PTPRN2: variants seen among roughly 807,000 people sequenced by gnomAD.
The protein encoded by PTPRN2 is receptor-type tyrosine-protein phosphatase N2.
A neutral mutation model predicts 118.8 loss-of-function variants in PTPRN2; 74 were observed. That is an observed-to-expected ratio of 0.62 (90% CI 0.52 to 0.76). The LOEUF (loss-of-function observed/expected upper bound fraction) is 0.76. Ranked by LOEUF, PTPRN2 falls within the 30% of genes least tolerant of loss-of-function variation. The pLI is 0.00. For missense variants in PTPRN2, 1,481 were observed against 1,394.4 expected (o/e 1.06, Z -0.99); for synonymous variants, 641 against 608.0 (o/e 1.05, Z -0.80).
At chr7:158,557,720 G>A (rs1827137693) in intron 1 of PTPRN2, among the ~76,000 whole-genome samples, 1 of 152,210 alleles carries the variant, frequency 6.6e-6, no homozygotes, top group African/African-American at 2.4e-5. Context: ...AACCTGGGAT[G>A]TTTGTGCTCA....
At chr7:157,994,499 T>G (rs546664525) in intron 11 of PTPRN2, among the ~76,000 whole-genome samples, 1 of 138,858 alleles carries the variant, frequency 7.2e-6, no homozygotes, top group African/African-American at 2.9e-5. Flanking sequence ...CACAGCTCCT[T>G]GTTCCTAAAA....
intron 11 of PTPRN2, among the ~76,000 whole-genome samples, chr7:157,921,348 G>A (rs140058989): frequency 1.7e-3 from 262 of 152,326 alleles, no homozygotes; most frequent in African/African-American, 5.9e-3. Flanking sequence ...TACCAGCAGA[G>A]CACAGAGGCT....
chr7:157,674,371 T>A lies in PTPRN2; in HGVS notation c.2001+8354A>T, dbSNP rs1796560407. Among the ~76,000 whole-genome samples, 3 of 152,112 alleles carry A rather than the reference T, an allele frequency of 2.0e-5. No homozygotes were observed. The highest frequency in any genetic ancestry group is 1.3e-4 in the Admixed American group (2 of 15,284). ...TTCCTTATCCACGTCCTCGAAGTGA[T>A]CCCCGTTTGACATTTGGAAATGACT... On this transcript the variant is annotated intron_variant, in intron 13 of 22. Transcript: ENST00000389418. This position sits in a 1 kb window ranked among gnomAD's most constrained non-coding sequence, Gnocchi z 4.5.
intron 15 of PTPRN2, among the ~76,000 whole-genome samples, chr7:157,606,533 G>A (rs1255421660): frequency 1.3e-5 from 2 of 152,244 alleles, no homozygotes; most frequent in Admixed American, 1.3e-4. Flanking sequence ...TCTTGGTGCT[G>A]CACACAACAC....
intron 11 of PTPRN2, among the ~76,000 whole-genome samples, chr7:157,962,726 G>A (rs1414710336): frequency 2.0e-5 from 3 of 152,158 alleles, no homozygotes; most frequent in African/African-American, 7.2e-5. Context: ...CGTGACACCT[G>A]TTCCTATTAC....
chr7:158,268,181 C>T (rs1431472039), intron 3 of PTPRN2, among the ~76,000 whole-genome samples: 2 of 152,248 alleles, frequency 1.3e-5, no homozygotes, highest in South Asian at 2.1e-4. Flanking sequence ...TGACACAATG[C>T]CGCCTGCAAA....
At chr7:158,059,356 C>A (rs1214900977) in intron 11 of PTPRN2, among the ~76,000 whole-genome samples, 1 of 130,218 alleles carries the variant, frequency 7.7e-6, no homozygotes, top group Non-Finnish European at 1.5e-5. Context: ...TCCATCTGCA[C>A]ACGGTGACGC....
Position 157,858,163 on chromosome 7 carries a change from T to C in PTPRN2, c.1788+40510A>G, listed in dbSNP as rs375264940. ...GGGAGAGCCCCGTCACCACCCACACTCCTGCAGGGAGAGCCTCCCAGCCAC... is the reference window on the plus strand; with the variant it reads ...GGGAGAGCCCCGTCACCACCCACACCCCTGCAGGGAGAGCCTCCCAGCCAC... On this transcript the variant is annotated intron_variant, in intron 12 of 22. Transcript: ENST00000389418. Among the ~76,000 whole-genome samples, 74 of 22,136 alleles carry C rather than the reference T, an allele frequency of 3.3e-3. 4 individuals carry two copies. The highest frequency in any genetic ancestry group is 0.014 in the East Asian group (12 of 860). 14.5% of individuals were successfully genotyped at this position (22,136 alleles called of 152,430 possible). A position where few individuals can be genotyped will look rare whatever the true frequency, so the allele number is the denominator to read the frequency against.
intron 2 of PTPRN2, among the ~76,000 whole-genome samples, chr7:158,337,248 G>A (rs540899014): frequency 2.6e-3 from 393 of 150,144 alleles, no homozygotes; most frequent in Non-Finnish European, 4.3e-3. Context: ...CTCACCATAA[G>A]AGCTGACACC....
At chr7:157,669,423 G>GCACA in intron 13 of PTPRN2, 1 of 408,762 alleles carries the variant, frequency 2.4e-6, no homozygotes, top group Non-Finnish European at 4.9e-6. Flanking sequence ...GTGTTTGCAC[G>GCACA]CGCACACACA....
intron 12 of PTPRN2, among the ~76,000 whole-genome samples, chr7:157,876,207 C>T (rs908861179): frequency 7.9e-5 from 12 of 152,342 alleles, no homozygotes; most frequent in Non-Finnish European, 1.6e-4. Flanking sequence ...CTCATCCAAG[C>T]CCTGTTTTTG....
intron 3 of PTPRN2, among the ~76,000 whole-genome samples, chr7:158,212,154 C>T (rs750272922): frequency 2.6e-5 from 4 of 151,564 alleles, no homozygotes; most frequent in Non-Finnish European, 5.9e-5. Flanking sequence ...TTTGTGGGAA[C>T]TAAAACTTAA....
chr7:157,541,547 G>A (rs1330420545), intron 22 of PTPRN2, among the ~76,000 whole-genome samples: 2 of 152,270 alleles, frequency 1.3e-5, no homozygotes, highest in African/African-American at 4.8e-5. Flanking sequence ...CACAGATGAG[G>A]TGGATAAATG....
chr7:157,995,627 A>G (rs374704475), intron 11 of PTPRN2, among the ~76,000 whole-genome samples: 2 of 152,392 alleles, frequency 1.3e-5, no homozygotes, highest in East Asian at 3.9e-4. Context: ...CTGAACGTGC[A>G]TCTGGGTGTG....
chr7:157,839,077 G>A (rs974860545), intron 12 of PTPRN2, among the ~76,000 whole-genome samples: 5 of 152,220 alleles, frequency 3.3e-5, no homozygotes, highest in Admixed American at 2.0e-4. Flanking sequence ...AGTTCCTCTC[G>A]TCTTCCCTGG....
intron 2 of PTPRN2, among the ~76,000 whole-genome samples, chr7:158,379,079 G>A (rs568174035): frequency 6.6e-6 from 1 of 152,332 alleles, no homozygotes; most frequent in South Asian, 2.1e-4. Context: ...GTTAGGACAG[G>A]GGCTGCACCT....
chr7:157,562,480 G>A (rs1424697232), intron 21 of PTPRN2, among the ~76,000 whole-genome samples: 1 of 152,170 alleles, frequency 6.6e-6, no homozygotes, highest in African/African-American at 2.4e-5. Flanking sequence ...TACAACTGAA[G>A]AGCTGACTTG....
At position 158,568,453 on chromosome 7, in the gene PTPRN2, G is replaced by C. The variant is rs1187555657; in HGVS notation, c.112+19105C>G. Among the ~76,000 whole-genome samples, 7 of 150,288 alleles carry C rather than the reference G, an allele frequency of 4.7e-5. No homozygotes were observed. The East Asian group carries it at 1.4e-3, about 29-fold the overall frequency. On this transcript the variant is annotated intron_variant, in intron 1 of 22. Transcript: ENST00000389418. ...GCTTCCTTTTGGAGACCTTGGTTTG[G>C]AGAAGAAAAAAAAAAAACAGCTTTT...
At chr7:158,362,160 C>A (rs1321806759) in intron 2 of PTPRN2, among the ~76,000 whole-genome samples, 1 of 152,222 alleles carries the variant, frequency 6.6e-6, no homozygotes, top group East Asian at 1.9e-4. Context: ...CAGGCACCAC[C>A]TTTCCTGGAC....
Sources: allele counts gnomAD v4.1 joint callset (sites outside exome capture counted in the v4.1 genomes callset), GRCh38; gene constraint gnomAD v4.1.1; non-coding constraint Gnocchi (gnomAD v3.1); transcripts MANE v1.5; gene names NCBI Gene and HGNC (gene_info 2026-07-23, HGNC 2026-07-21).